The following SRRM2 variants were observed in gnomAD, a reference collection of about 807,000 sequenced individuals.
The protein encoded by SRRM2 is serine/arginine repetitive matrix protein 2.
SRRM2 carries 30 observed loss-of-function variants against 213.8 expected under a neutral mutation model. The ratio of observed to expected loss-of-function variants is 0.14; its 90% CI spans 0.10 to 0.19. The LOEUF is 0.19. Among genes scored for constraint, SRRM2 ranks in the 10% least tolerant of loss-of-function variants. The pLI is 1.00. For missense variants in SRRM2, 4,904 were observed against 3,647.0 expected, an observed-to-expected ratio of 1.34 and a Z score of -8.88; for synonymous variants, 2,025 against 1,377.7, an observed-to-expected ratio of 1.47 and a Z score of -10.40.
In SRRM2 at chr16:2,761,701, G is replaced by A. The variant is rs759124376; in HGVS notation, c.1173G>A (p.Val391=). ...CCACCCCCTTAAGCCAGGAGCCAGTGAACCCCCCATCTGAGGCCTCTCCAA... is the reference window on the plus strand; with the variant it reads ...CCACCCCCTTAAGCCAGGAGCCAGTAAACCCCCCATCTGAGGCCTCTCCAA... The part of the protein sequence containing the change: ...LATTPLSQEP[V]NPPSEASPTR... Residue 391 remains valine, a synonymous_variant, in exon 11 of 15, where the codon GTG becomes GTA. Coordinates refer to ENST00000301740, the MANE Select transcript of SRRM2 (RefSeq NM_016333.4). 4 of 1,604,352 alleles carry A rather than the reference G, an allele frequency of 2.5e-6. No individual in the cohort carries two copies. In the Admixed American group the frequency reaches 6.8e-5, roughly 27 times the overall value.
Position 2,767,377 on chromosome 16 carries a change from C to G in SRRM2, c.6849C>G (p.Asn2283Lys), listed in dbSNP as rs765657474. 13 of 1,613,790 alleles carry G rather than the reference C, an allele frequency of 8.1e-6. No homozygotes were observed. Among genetic ancestry groups the G allele is most frequent in the Non-Finnish European group, 1.1e-5 (13 of 1,180,038 alleles). The change falls in exon 11 of 15, where the codon AAC (asparagine) becomes AAG (lysine). Residue 2283 changes from asparagine to lysine, a missense_variant. Transcript: ENST00000301740. ...PRTAVAPSAV[N>K]LADPRTPTAP... ...CAGCGGTGGCACCTTCGGCTGTGAA[C>G]CTGGCTGACCCTCGCACTCCCACAG... is the stretch of plus-strand genomic sequence containing the variant.
In SRRM2 at chr16:2,765,641, C is replaced by T. The variant is rs146437403; in HGVS notation, c.5113C>T (p.Arg1705Cys). The change falls in exon 11 of 15, where the codon CGT (arginine) becomes TGT (cysteine). Residue 1705 changes from arginine to cysteine, a missense_variant. By Grantham distance (180) the Arg-to-Cys change is radical. Transcript: ENST00000301740. ...PELTRKARLS[R>C]RSRSASSSPE... ...GCTAACAAGGAAGGCCAGACTGTCC[C>T]GTAGAAGCCGCTCTGCCTCATCCTC... 186 of 1,613,996 alleles carry T rather than the reference C, an allele frequency of 1.2e-4. No homozygotes were observed. The highest frequency in any genetic ancestry group is 1.3e-4 in the Non-Finnish European group (159 of 1,180,024).
intron 12 of SRRM2, chr16:2,769,521 C>T (rs538131217): frequency 1.4e-5 from 9 of 629,262 alleles, no homozygotes; most frequent in South Asian, 3.6e-5. Flanking sequence ...TCTTCCTCTC[C>T]CTCCCTCAAC....
chr16:2,759,213 G>C, intron 7 of SRRM2, 41 bp downstream of exon 7: 1 of 1,608,716 alleles, frequency 6.2e-7, no homozygotes, highest in Non-Finnish European at 8.5e-7. Context: ...GTGGCATGTG[G>C]AGTGGTGATT....
Position 2,761,525 on chromosome 16 carries a change from ATGAATCCCTATCCCTGC to A in SRRM2, c.1033-34_1033-18del, listed in dbSNP as rs563567463. 213 of 1,452,286 alleles carry A rather than the reference ATGAATCCCTATCCCTGC, an allele frequency of 1.5e-4. 1 individual carries two copies. In the African/African-American group the frequency reaches 2.8e-3, roughly 19 times the overall value. The allele number at this position is 1,452,286 out of a possible 1,614,324, so 90.0% of individuals were successfully genotyped here. A position where few individuals can be genotyped will look rare whatever the true frequency, so the allele number is the denominator to read the frequency against. On this transcript the variant is annotated intron_variant, in intron 10 of 14. Coordinates refer to ENST00000301740, the MANE Select transcript of SRRM2 (RefSeq NM_016333.4). Reference sequence around the variant, plus strand: ...GGGGTGATGTGAAGTTTTGGCGTTTATGAATCCCTATCCCTGCTCTCTCTTCCACTCTTAGAAATCTG... The same window carrying A: ...GGGGTGATGTGAAGTTTTGGCGTTTATCTCTCTTCCACTCTTAGAAATCTG...
At chr16:2,770,189 G>C in intron 12 of SRRM2, 163 bp from the exon 13 acceptor site, 1 of 1,445,630 alleles carries the variant, frequency 6.9e-7, no homozygotes, top group Non-Finnish European at 9.1e-7. Flanking sequence ...GGCACTCGGT[G>C]GATGGTGTGC....
Position 2,757,766 on chromosome 16 carries a change from C to T in SRRM2, c.351-15C>T, listed in dbSNP as rs775729727. On this transcript the variant is annotated splice_polypyrimidine_tract_variant and intron_variant, in intron 3 of 14. Coordinates refer to ENST00000301740, the MANE Select transcript of SRRM2 (RefSeq NM_016333.4). ...CTTTATATTTCCTTCAGACTTTTGC[C>T]CTTCTTTTCTCTAGGGTCACGGAGA... 16 of 1,611,700 alleles carry T rather than the reference C, an allele frequency of 9.9e-6. No homozygotes were observed. The highest frequency in any genetic ancestry group is 2.7e-5 in the African/African-American group (2 of 74,694).
At chr16:2,753,158 C>T (rs886740645) in intron 1 of SRRM2, among the ~76,000 whole-genome samples, 1 of 151,966 alleles carries the variant, frequency 6.6e-6, no homozygotes, top group Non-Finnish European at 1.5e-5. Context: ...CAACATGTGC[C>T]GCCGAGGTGG....
Position 2,767,397 on chromosome 16 carries a change from C to T in SRRM2, c.6869C>T (p.Pro2290Leu), listed in dbSNP as rs1259735318. The T allele has an allele frequency of 6.2e-7, 1 of 1,614,058 alleles. No individual in the cohort carries two copies. Among genetic ancestry groups the T allele is most frequent in the South Asian group, 1.1e-5 (1 of 91,090 alleles). ...GTGAACCTGGCTGACCCTCGCACTCCCACAGCCCCAGCTGTGAACCTAGCA... is the reference window on the plus strand; with the variant it reads ...GTGAACCTGGCTGACCCTCGCACTCTCACAGCCCCAGCTGTGAACCTAGCA... ...SAVNLADPRT[P>L]TAPAVNLAGA... Residue 2290 changes from proline to leucine, a missense_variant, in exon 11 of 15, where the codon CCC becomes CTC. By Grantham distance (98) the Pro-to-Leu change is moderately conservative. Coordinates refer to ENST00000301740, the MANE Select transcript of SRRM2 (RefSeq NM_016333.4).
chr16:2,759,487 T>C, intron 8 of SRRM2, 82 bp from the exon 9 acceptor site: 1 of 1,599,014 alleles, frequency 6.3e-7, no homozygotes, highest in Non-Finnish European at 8.6e-7. Flanking sequence ...TGTCCCTGAC[T>C]GGTAAAGGGT....
chr16:2,770,329 T>C, intron 12 of SRRM2, 23 bp from the exon 13 acceptor site: 1 of 1,557,652 alleles, frequency 6.4e-7, no homozygotes, highest in Non-Finnish European at 8.7e-7. Context: ...TGTGGTGCTA[T>C]TGGGTCCTAC....
rs1296186398 is a variant in SRRM2 at position 2,762,741 on chromosome 16, AAAG to A, written c.2220_2222del (p.Arg740del). On this transcript the variant is annotated inframe_deletion, in exon 11 of 15. Transcript: ENST00000301740. ...CGGAAAAACAAATCCAGAACATCTC[AAAG>A]AAGAAGCAGGTCCAATTCAAGCCCA... 1 of 1,614,072 alleles carries A rather than the reference AAAG, an allele frequency of 6.2e-7. No homozygotes were observed. Among genetic ancestry groups the A allele is most frequent in the East Asian group, 2.2e-5 (1 of 44,886 alleles).
chr16:2,760,714 G>A (rs2068313465), intron 10 of SRRM2: 1 of 564,482 alleles, frequency 1.8e-6, no homozygotes, highest in Non-Finnish European at 3.1e-6. Context: ...CTCACTGGAT[G>A]TTAGGTTTTA....
intron 6 of SRRM2, 29 bp downstream of exon 6, chr16:2,759,076 GAGA>G (rs777131572): frequency 6.2e-7 from 1 of 1,614,062 alleles, no homozygotes; most frequent in African/African-American, 1.3e-5. Flanking sequence ...TGAATGACTG[GAGA>G]AGGTTTGCTG....
In SRRM2 at chr16:2,769,210, T is replaced by C. The variant is rs2068652426; in HGVS notation, c.7947T>C (p.Pro2649=). The C allele has an allele frequency of 6.2e-7, 1 of 1,603,540 alleles. No individual in the cohort carries two copies. Among genetic ancestry groups the C allele is most frequent in the Admixed American group, 1.7e-5 (1 of 59,392 alleles). Residue 2649 remains proline, a synonymous_variant, in exon 12 of 15, where the codon CCT becomes CCC. Transcript: ENST00000301740. The part of the protein sequence containing the change: ...SSSSSSSSSS[P]SPAKPGPQAL... ...CCTCCTCCTCGTCGTCTTCCTCCCC[T>C]TCCCCTGCTAAGCCTGGCCCTCAGG...
In SRRM2 at chr16:2,770,454, G is replaced by A. The variant is rs1370345546; in HGVS notation, c.8124G>A (p.Arg2708=). The A allele has an allele frequency of 1.9e-6, 3 of 1,607,412 alleles. No homozygotes were observed. The highest frequency in any genetic ancestry group is 1.7e-5 in the Admixed American group (1 of 59,404). ...GTCCCTCGCCCCAGCCCTCACCACG[G>A]GACCAGCAGAGGTAAGGCCAACTGC... is the stretch of plus-strand genomic sequence containing the variant. ...RRRPSPQPSP[R]DQQSSSSERG... Residue 2708 remains arginine (R), a synonymous_variant, in exon 13 of 15, where the codon CGG becomes CGA. Coordinates refer to ENST00000301740, the MANE Select transcript of SRRM2 (RefSeq NM_016333.4).
At position 2,770,985 on chromosome 16, in the gene SRRM2, TTGGA is replaced by T. The variant is rs753482239; in HGVS notation, c.*123_*126del. 1.5e-6 allele frequency: 2 copies of T among 1,290,468 alleles called. No homozygotes were observed. The highest frequency in any genetic ancestry group is 1.3e-5 in the South Asian group (1 of 74,770). 79.9% of individuals were successfully genotyped at this position (1,290,468 alleles called of 1,614,324 possible). A position where few individuals can be genotyped will look rare whatever the true frequency, so the allele number is the denominator to read the frequency against. ...GCTCTCCTTTGAACCTTGGCAGCCC[TTGGA>T]TGGAGGGCTCCCTTTCCCTCCCCTT... On this transcript the variant is annotated 3_prime_UTR_variant, in exon 15 of 15. Coordinates refer to ENST00000301740, the MANE Select transcript of SRRM2 (RefSeq NM_016333.4).
chr16:2,756,269 T>C, intron 1 of SRRM2, 65 bp from the exon 2 acceptor site: 4 of 1,377,342 alleles, frequency 2.9e-6, no homozygotes, highest in Non-Finnish European at 3.8e-6. Flanking sequence ...GGGACTTGGG[T>C]GTGGGGCGGT....
At chr16:2,760,691 T>A (rs964353110) in intron 10 of SRRM2, 192 bp downstream of exon 10, 1 of 614,962 alleles carries the variant, frequency 1.6e-6, no homozygotes, top group African/African-American at 1.8e-5. Flanking sequence ...TTGTGAACCC[T>A]TTAGAATCAA....
Sources: gnomAD v4.1 joint callset for allele counts (sites outside exome capture counted in the v4.1 genomes callset) on GRCh38, gnomAD v4.1.1 for gene constraint, MANE v1.5 for transcripts, NCBI Gene and HGNC (gene_info 2026-07-23, HGNC 2026-07-21) for gene names.